The following CNPY1 variants were observed in gnomAD, a reference collection of about 807,000 sequenced individuals.
CNPY1 encodes the protein canopy FGF signaling regulator 1, also known as protein canopy homolog 1.
CNPY1 carries 14 observed loss-of-function variants against 14.4 expected under a neutral mutation model. The ratio of observed to expected loss-of-function variants is 0.97; its 90% CI spans 0.64 to 1.52. The LOEUF is 1.52. Among genes scored for constraint, CNPY1 ranks in the 40% most tolerant of loss-of-function variants. The pLI is 0.00. For missense variants in CNPY1, 129 were observed against 131.5 expected (o/e 0.98, Z 0.09); for synonymous variants, 43 against 46.5 (o/e 0.92, Z 0.31).
chr7:155,529,423 T>G (rs577480548), intron 2 of CNPY1, among the ~76,000 whole-genome samples: 2 of 152,230 alleles, frequency 1.3e-5, no homozygotes, highest in East Asian at 3.9e-4. Flanking sequence ...CAACAAAAAT[T>G]CACTCTCTCA....
intron 2 of CNPY1, among the ~76,000 whole-genome samples, chr7:155,509,753 C>A (rs934062785): frequency 2.0e-5 from 3 of 152,200 alleles, no homozygotes; most frequent in African/African-American, 7.2e-5. Flanking sequence ...GCGGGCTCCT[C>A]GGCTGCTTTC....
chr7:155,516,000 C>T (rs1047177184), intron 2 of CNPY1, among the ~76,000 whole-genome samples: 4 of 132,226 alleles, frequency 3.0e-5, no homozygotes, highest in East Asian at 2.2e-4. Context: ...AGCAAATGAA[C>T]GTGCACGCGT....
intron 2 of CNPY1, among the ~76,000 whole-genome samples, chr7:155,513,971 G>C (rs1796570840): frequency 6.6e-6 from 1 of 152,180 alleles, no homozygotes. Flanking sequence ...AATACCATAA[G>C]CTTAACCTCT....
chr7:155,530,682 A>G (rs1467166812), intron 2 of CNPY1, among the ~76,000 whole-genome samples: 2 of 152,100 alleles, frequency 1.3e-5, no homozygotes, highest in Non-Finnish European at 2.9e-5. Context: ...TCCTCTAAAC[A>G]TTGGCATGCT....
chr7:155,513,817 A>T (rs1244155888), intron 2 of CNPY1, among the ~76,000 whole-genome samples: 3 of 152,188 alleles, frequency 2.0e-5, no homozygotes, highest in African/African-American at 7.2e-5. Flanking sequence ...TAAAAAACAC[A>T]CTTTCCTTTT....
intron 2 of CNPY1, among the ~76,000 whole-genome samples, chr7:155,511,095 A>T (rs1477078912): frequency 6.6e-6 from 1 of 152,188 alleles, no homozygotes; most frequent in Non-Finnish European, 1.5e-5. Context: ...TCTAACTGTA[A>T]TCAAGAAATT....
chr7:155,510,772 T>C (rs1796512393), intron 2 of CNPY1, among the ~76,000 whole-genome samples: 1 of 152,244 alleles, frequency 6.6e-6, no homozygotes, highest in African/African-American at 2.4e-5. Context: ...CATTAAGTTG[T>C]AAAACATGCA....
At chr7:155,503,143 C>T (rs1796175525) in intron 4 of CNPY1, 38 bp from the exon 5 acceptor site, 1 of 1,505,876 alleles carries the variant, frequency 6.6e-7, no homozygotes. Context: ...ATCATTATCA[C>T]TTTAGACTCC....
At chr7:155,510,463 G>C (rs1411039571) in intron 2 of CNPY1, 1 of 152,146 alleles carries the variant, frequency 6.6e-6, no homozygotes, top group African/African-American at 2.4e-5. Flanking sequence ...TATCAGCTGC[G>C]CCTCCCCTGT....
At chr7:155,526,915 G>A (rs1432258017) in intron 2 of CNPY1, among the ~76,000 whole-genome samples, 1 of 152,128 alleles carries the variant, frequency 6.6e-6, no homozygotes, top group East Asian at 1.9e-4. Context: ...CACCACGGAG[G>A]CTGCAGCGTC....
chr7:155,515,445 C>T (rs11761204), intron 2 of CNPY1, among the ~76,000 whole-genome samples: 5 of 152,160 alleles, frequency 3.3e-5, no homozygotes, highest in Non-Finnish European at 7.3e-5. Flanking sequence ...GGGCTCCCCC[C>T]ATGGGAGACG....
intron 2 of CNPY1, among the ~76,000 whole-genome samples, chr7:155,523,977 C>T (rs977946087): frequency 6.6e-6 from 1 of 152,106 alleles, no homozygotes; most frequent in Non-Finnish European, 1.5e-5. Flanking sequence ...AGAGTTGCCA[C>T]CACCACCAGA....
chr7:155,529,149 G>A (rs78923682), intron 2 of CNPY1, among the ~76,000 whole-genome samples: 3 of 151,980 alleles, frequency 2.0e-5, no homozygotes, highest in East Asian at 1.9e-4. Flanking sequence ...CCCCAGGAGA[G>A]GGAACTGGAC....
intron 2 of CNPY1, among the ~76,000 whole-genome samples, chr7:155,513,634 T>A (rs1023280034): frequency 2.6e-5 from 4 of 151,420 alleles, no homozygotes; most frequent in African/African-American, 9.7e-5. Flanking sequence ...GGTAATAAAA[T>A]AAGAACAATG....
At chr7:155,539,031 G>T (rs952459454) in intron 2 of CNPY1, among the ~76,000 whole-genome samples, 1 of 152,096 alleles carries the variant, frequency 6.6e-6, no homozygotes, top group Admixed American at 6.6e-5. Context: ...GCCAGCTTCG[G>T]GCCCCTTTCT....
At position 155,502,972 on chromosome 7, in the gene CNPY1, T is replaced by C. The variant is rs1031120950; in HGVS notation, c.*96A>G. Reference sequence around the variant, plus strand: ...ACACGGTATAAACAAGAGACAAAATTTTTCTTATCATGAAAGACAACATGC... The same window carrying C: ...ACACGGTATAAACAAGAGACAAAATCTTTCTTATCATGAAAGACAACATGC... On this transcript the variant is annotated 3_prime_UTR_variant, in exon 5 of 5. Coordinates refer to ENST00000636446, the MANE Select transcript of CNPY1 (RefSeq NM_001393663.1). 5 of 1,145,238 alleles carry C rather than the reference T, an allele frequency of 4.4e-6. No homozygotes were observed. The highest frequency in any genetic ancestry group is 6.3e-6 in the Non-Finnish European group (5 of 790,782). 70.9% of individuals were successfully genotyped at this position (1,145,238 alleles called of 1,614,324 possible). A position where few individuals can be genotyped will look rare whatever the true frequency, so the allele number is the denominator to read the frequency against.
chr7:155,502,974 T>G lies in CNPY1; in HGVS notation c.*94A>C, dbSNP rs1796166536. On this transcript the variant is annotated 3_prime_UTR_variant, in exon 5 of 5. Coordinates refer to ENST00000636446, the MANE Select transcript of CNPY1 (RefSeq NM_001393663.1). ...ACGGTATAAACAAGAGACAAAATTT[T>G]TCTTATCATGAAAGACAACATGCAA... 8.6e-7 allele frequency: 1 copy of G among 1,161,824 alleles called. No homozygotes were observed. Among genetic ancestry groups the G allele is most frequent in the African/African-American group, 1.6e-5 (1 of 63,662 alleles). The allele number at this position is 1,161,824 out of a possible 1,614,324, so 72.0% of individuals were successfully genotyped here. A position where few individuals can be genotyped will look rare whatever the true frequency, so the allele number is the denominator to read the frequency against.
intron 2 of CNPY1, among the ~76,000 whole-genome samples, chr7:155,517,490 G>T (rs1371677090): frequency 6.6e-6 from 1 of 152,158 alleles, no homozygotes; most frequent in Non-Finnish European, 1.5e-5. Flanking sequence ...GTTCTGCTAG[G>T]TGCAGCCCAA....
chr7:155,515,963 C>T (rs1796614483), intron 2 of CNPY1, among the ~76,000 whole-genome samples: 1 of 151,840 alleles, frequency 6.6e-6, no homozygotes, highest in Admixed American at 6.6e-5. Flanking sequence ...CCGTGAGAAA[C>T]ATTCCAGTTA....
Sources: gnomAD v4.1 joint callset for allele counts (sites outside exome capture counted in the v4.1 genomes callset) on GRCh38, gnomAD v4.1.1 for gene constraint, MANE v1.5 for transcripts, NCBI Gene and HGNC (gene_info 2026-07-23, HGNC 2026-07-21) for gene names.